GABRG3: variants seen among roughly 807,000 people sequenced by gnomAD.
GABRG3 encodes the protein gamma-aminobutyric acid receptor subunit gamma-3.
A neutral mutation model predicts 48.8 loss-of-function variants in GABRG3; 25 were observed. That is an observed-to-expected ratio of 0.51 (90% CI 0.37 to 0.72). The LOEUF (loss-of-function observed/expected upper bound fraction) is 0.72, where lower values mean the gene tolerates loss of function less well. Ranked by LOEUF, GABRG3 falls within the 30% of genes least tolerant of loss-of-function variation. GABRG3 has a pLI of 0.00. For missense variants in GABRG3, 394 were observed against 577.9 expected (o/e 0.68, Z 3.26); for synonymous variants, 227 against 217.6 (o/e 1.04, Z -0.38).
At chr15:27,328,129 C>CAAA (rs34834839) in intron 4 of GABRG3, among the ~76,000 whole-genome samples, 19 of 139,594 alleles carry the variant, frequency 1.4e-4, no homozygotes, top group African/African-American at 4.0e-4. Context: ...AAAAAAAAAC[C>CAAA]AAAAAAAAAA....
At chr15:27,517,757 C>T (rs945659917) in intron 6 of GABRG3, among the ~76,000 whole-genome samples, 1 of 152,124 alleles carries the variant, frequency 6.6e-6, no homozygotes, top group Non-Finnish European at 1.5e-5. Flanking sequence ...AAGAATCACA[C>T]ATAATTCAAA....
intron 5 of GABRG3, among the ~76,000 whole-genome samples, chr15:27,442,583 C>T (rs572934159): frequency 6.6e-6 from 1 of 152,336 alleles, no homozygotes; most frequent in East Asian, 1.9e-4. Flanking sequence ...AAACCAGGCA[C>T]CCTGGCAGCT....
intron 2 of GABRG3, among the ~76,000 whole-genome samples, chr15:27,005,763 G>A (rs1368022): frequency 0.49 from 73,838 of 151,946 alleles, 18,658 homozygotes; most frequent in Middle Eastern, 0.61. Context: ...ATGATATTCT[G>A]TTAGTCAAAG....
At chr15:27,471,042 A>C (rs973539477) in intron 5 of GABRG3, among the ~76,000 whole-genome samples, 1 of 152,166 alleles carries the variant, frequency 6.6e-6, no homozygotes, top group African/African-American at 2.4e-5. Flanking sequence ...AAAGAGTTTA[A>C]TTTTAATCCA....
At chr15:27,377,144 A>G (rs1895623610) in intron 5 of GABRG3, among the ~76,000 whole-genome samples, 1 of 152,152 alleles carries the variant, frequency 6.6e-6, no homozygotes. Flanking sequence ...GTTTGCTCCA[A>G]TTCCCAACAA....
chr15:27,206,822 T>C (rs1888868834), intron 3 of GABRG3, among the ~76,000 whole-genome samples: 1 of 152,194 alleles, frequency 6.6e-6, no homozygotes, highest in South Asian at 2.1e-4. Context: ...CTGTGTCCTT[T>C]TGATCATTGT....
At chr15:27,346,818 A>C (rs1445445352) in intron 5 of GABRG3, among the ~76,000 whole-genome samples, 3 of 152,132 alleles carry the variant, frequency 2.0e-5, no homozygotes, top group African/African-American at 7.2e-5. Flanking sequence ...TGTTTACATT[A>C]TCTAACTGCT....
At chr15:27,245,963 C>T (rs546517844) in intron 3 of GABRG3, among the ~76,000 whole-genome samples, 4 of 152,288 alleles carry the variant, frequency 2.6e-5, no homozygotes, top group Admixed American at 2.0e-4. Context: ...TCAGGAAGCA[C>T]TTAATCTTGG....
At chr15:27,424,029 T>C (rs1408603613) in intron 5 of GABRG3, among the ~76,000 whole-genome samples, 1 of 152,140 alleles carries the variant, frequency 6.6e-6, no homozygotes, top group Non-Finnish European at 1.5e-5. Flanking sequence ...TATATTCTCC[T>C]GCAGGAAAGA....
intron 3 of GABRG3, among the ~76,000 whole-genome samples, chr15:27,037,788 A>T (rs1450204555): frequency 6.6e-6 from 1 of 152,142 alleles, no homozygotes; most frequent in African/African-American, 2.4e-5. Context: ...GCTGGTAGTT[A>T]GAAGAGAAGT....
chr15:27,346,921 A>G (rs1894393798), intron 5 of GABRG3, among the ~76,000 whole-genome samples: 3 of 152,170 alleles, frequency 2.0e-5, no homozygotes, highest in African/African-American at 7.2e-5. Context: ...CAACTGTGGC[A>G]TATAGGAATG....
At chr15:27,122,004 A>G (rs1432772545) in intron 3 of GABRG3, among the ~76,000 whole-genome samples, 1 of 152,216 alleles carries the variant, frequency 6.6e-6, no homozygotes, top group Non-Finnish European at 1.5e-5. Flanking sequence ...TGGCTAATGG[A>G]TACAAAAAAT....
intron 3 of GABRG3, among the ~76,000 whole-genome samples, chr15:27,190,239 A>C: frequency 6.6e-6 from 1 of 152,226 alleles, no homozygotes; most frequent in East Asian, 1.9e-4. Flanking sequence ...TGCTGGCTTC[A>C]TCAAATGAGT....
intron 5 of GABRG3, among the ~76,000 whole-genome samples, chr15:27,404,934 G>C (rs1046707731): frequency 6.6e-6 from 1 of 152,162 alleles, no homozygotes; most frequent in Non-Finnish European, 1.5e-5. Context: ...TCTTACACTG[G>C]TATGTCCTCG....
In GABRG3 at chr15:27,095,825, C is replaced by T. The variant is rs561872281; in HGVS notation, c.270+69004C>T. Among the ~76,000 whole-genome samples the T allele has an allele frequency of 2.0e-5, 3 of 152,264 alleles. No individual in the cohort carries two copies. The South Asian group carries it at 6.2e-4, about 32-fold the overall frequency. ...CTGGCTCTGCCTCTTCTGACTTCCT[C>T]TTCCACACCAACCCGTTTTCAGACA... On this transcript the variant is annotated intron_variant, in intron 3 of 9. Transcript: ENST00000615808.
chr15:27,284,153 A>C (rs1379205572), intron 3 of GABRG3, among the ~76,000 whole-genome samples: 1 of 152,216 alleles, frequency 6.6e-6, no homozygotes. Context: ...TGAGAATTAA[A>C]AGTTTGTGGC....
intron 3 of GABRG3, among the ~76,000 whole-genome samples, chr15:27,183,077 T>C (rs1431184996): frequency 1.3e-5 from 2 of 152,258 alleles, no homozygotes; most frequent in Admixed American, 6.5e-5. Flanking sequence ...AAATCCTTAA[T>C]GTCTAATTTG....
rs556379826 is a variant in GABRG3, at chr15:27,080,120, A to G, written c.270+53299A>G. ...CTCTAAGGTTGCCTCAAGGCTCCCC[A>G]AACCATTTCTGTAGCAAGGGGCCAT... On this transcript the variant is annotated intron_variant, in intron 3 of 9. Coordinates refer to ENST00000615808, the MANE Select transcript of GABRG3 (RefSeq NM_033223.5). Among the ~76,000 whole-genome samples, 192 of 152,250 alleles carry G rather than the reference A, an allele frequency of 1.3e-3. 1 individual carries two copies. The highest frequency in any genetic ancestry group is 4.1e-3 in the African/African-American group (171 of 41,550).
intron 3 of GABRG3, among the ~76,000 whole-genome samples, chr15:27,119,393 A>T (rs1897694571): frequency 6.6e-6 from 1 of 152,240 alleles, no homozygotes; most frequent in Admixed American, 6.5e-5. Flanking sequence ...ACAATGGTTA[A>T]GGAAAAGATA....
Sources: gnomAD v4.1 joint callset for allele counts (sites outside exome capture counted in the v4.1 genomes callset) on GRCh38, gnomAD v4.1.1 for gene constraint, MANE v1.5 for transcripts, NCBI Gene and HGNC (gene_info 2026-07-23, HGNC 2026-07-21) for gene names.